Variants in ANKLE1 observed in about 807,000 individuals in gnomAD.
ANKLE1 encodes the protein ankyrin repeat and LEM domain containing 1.
A neutral mutation model predicts 56.2 loss-of-function variants in ANKLE1; 59 were observed. The ratio of observed to expected loss-of-function variants is 1.05; its 90% CI spans 0.85 to 1.30. ANKLE1 has a LOEUF of 1.30. Among genes scored for constraint, ANKLE1 ranks in the 50% most tolerant of loss-of-function variants. The pLI is 0.00. For missense variants in ANKLE1, 771 were observed against 816.1 expected (o/e 0.94, Z 0.67); for synonymous variants, 341 against 352.9 (o/e 0.97, Z 0.38).
chr19:17,286,517 C>T lies in ANKLE1; in HGVS notation c.1813C>T (p.Gln605Ter). The stretch of plus-strand genomic sequence containing the variant: ...TGTCTTCCTGGCTGAAGGCGAGCGA[C>T]AGCTTCATCCCCAGGACATCCAGGC... ...LLVFLAEGERQLHPQDIQARG is the reference protein window; with the variant it reads ...LLVFLAEGER The change falls in exon 9 of 9, where the codon CAG becomes TAG. Residue 605 changes from glutamine to a stop codon, truncating the protein, a stop_gained. Coordinates refer to ENST00000404085, the MANE Select transcript of ANKLE1 (RefSeq NM_152363.6). LOFTEE classifies it high-confidence loss of function. 1 of 1,611,080 alleles carries T rather than the reference C, an allele frequency of 6.2e-7. No individual in the cohort carries two copies. The highest frequency in any genetic ancestry group is 8.5e-7 in the Non-Finnish European group (1 of 1,179,056).
chr19:17,284,159 G>A lies in ANKLE1; in HGVS notation c.1269G>A (p.Gln423=), dbSNP rs1459456109. 1.9e-6 allele frequency: 3 copies of A among 1,613,916 alleles called. No individual in the cohort carries two copies. Among genetic ancestry groups the A allele is most frequent in the Middle Eastern group, 3.3e-4 (2 of 6,062 alleles). ...ALRTGCIPDV[Q]ADEDALAQQF... ...GGACGGGCTGTATTCCAGATGTCCA[G>A]GCAGATGAAGACGCGCTGGCCCAGC... Residue 423 remains glutamine, a synonymous_variant, in exon 6 of 9, where the codon CAG becomes CAA. Coordinates refer to ENST00000404085, the MANE Select transcript of ANKLE1 (RefSeq NM_152363.6).
In ANKLE1 at chr19:17,283,530, C is replaced by T. The variant is rs141686689; in HGVS notation, c.766C>T (p.His256Tyr). Residue 256 changes from histidine (H) to tyrosine (Y), a missense_variant, in exon 5 of 9, where the codon CAT becomes TAT. Coordinates refer to ENST00000404085, the MANE Select transcript of ANKLE1 (RefSeq NM_152363.6). ...PTRQGLLHVV[H>Y]ANQRVPRSQG... ...CAGGCAGGGACTTCTGCATGTTGTCCATGCCAACCAGAGGGTACCTAGGTC... is the reference window on the plus strand; with the variant it reads ...CAGGCAGGGACTTCTGCATGTTGTCTATGCCAACCAGAGGGTACCTAGGTC... 4.3e-6 allele frequency: 7 copies of T among 1,612,948 alleles called. No homozygotes were observed. In the South Asian group the frequency reaches 6.6e-5, roughly 15 times the overall value.
intron 6 of ANKLE1, among the ~76,000 whole-genome samples, chr19:17,284,962 T>A (rs1024876381): frequency 2.0e-5 from 3 of 151,910 alleles, no homozygotes; most frequent in Non-Finnish European, 4.4e-5. Flanking sequence ...GTGTTGGCAT[T>A]ACAGGCATGA....
rs1247679266 is a variant in ANKLE1, at chr19:17,284,267, G to A, written c.1376+1G>A. Reference sequence around the variant, plus strand: ...TCACCTATCTGCTGCTGGACCCCAGGTACTCAGGGCAGGAAAGCCCCAGAA... The same window carrying A: ...TCACCTATCTGCTGCTGGACCCCAGATACTCAGGGCAGGAAAGCCCCAGAA... On this transcript the variant is annotated splice_donor_variant, in intron 6 of 8. Transcript: ENST00000404085. LOFTEE classifies it high-confidence loss of function. 1.9e-5 allele frequency: 30 copies of A among 1,613,256 alleles called. No homozygotes were observed. Among genetic ancestry groups the A allele is most frequent in the Non-Finnish European group, 2.5e-5 (30 of 1,179,634 alleles).
Position 17,283,208 on chromosome 19 carries a change from C to G in ANKLE1, c.461-17C>G. 1 of 1,594,546 alleles carries G rather than the reference C, an allele frequency of 6.3e-7. No homozygotes were observed. The highest frequency in any genetic ancestry group is 8.6e-7 in the Non-Finnish European group (1 of 1,168,398). On this transcript the variant is annotated splice_polypyrimidine_tract_variant and intron_variant, in intron 4 of 8. Coordinates refer to ENST00000404085, the MANE Select transcript of ANKLE1 (RefSeq NM_152363.6). ...ATCCCTCCTCCTCTCCTCTCTGGCC[C>G]CCACTCTCACCTGCAGCCCCAGGCC...
At chr19:17,285,166 G>A (rs968495533) in intron 6 of ANKLE1, among the ~76,000 whole-genome samples, 1 of 151,950 alleles carries the variant, frequency 6.6e-6, no homozygotes, top group Non-Finnish European at 1.5e-5. Context: ...GGCTGAGGCA[G>A]GAGAATCACT....
chr19:17,285,345 G>T (rs1397894472), intron 6 of ANKLE1, 86 bp from the exon 7 acceptor site: 3 of 1,512,180 alleles, frequency 2.0e-6, no homozygotes. Flanking sequence ...ACTAGACATG[G>T]GTTCAAGATA....
rs770511788 is a variant in ANKLE1 at position 17,285,390 on chromosome 19, T to C, written c.1377-41T>C. 10 of 1,611,148 alleles carry C rather than the reference T, an allele frequency of 6.2e-6. No homozygotes were observed. In the Admixed American group the frequency reaches 1.5e-4, roughly 24 times the overall value. ...TTTAAGGACTGCCTCTGGGGACCAC[T>C]GTATCCACTTTTCCCTGTCTGAGCT... On this transcript the variant is annotated intron_variant, in intron 6 of 8. Transcript: ENST00000404085.
Position 17,286,365 on chromosome 19 carries a change from A to G in ANKLE1, c.1676-15A>G. The stretch of plus-strand genomic sequence containing the variant: ...CCCATGGCTGCCCCTGTGACCCCAC[A>G]TCCAATTTCTCCAGGGATCCAGACG... On this transcript the variant is annotated splice_polypyrimidine_tract_variant and intron_variant, in intron 8 of 8. Coordinates refer to ENST00000404085, the MANE Select transcript of ANKLE1 (RefSeq NM_152363.6). The G allele has an allele frequency of 6.5e-7, 1 of 1,540,648 alleles. No individual in the cohort carries two copies. Among genetic ancestry groups the G allele is most frequent in the Non-Finnish European group, 8.8e-7 (1 of 1,140,834 alleles).
chr19:17,283,671 G>C lies in ANKLE1; in HGVS notation c.907G>C (p.Ala303Pro), dbSNP rs750326706. Reference sequence around the variant, plus strand: ...CATGCCTCTCCTGGACAGGAGTCCAGCTCATAGCCCCCCACGGACACCAAC... The same window carrying C: ...CATGCCTCTCCTGGACAGGAGTCCACCTCATAGCCCCCCACGGACACCAAC... ...SSMPLLDRSP[A>P]HSPPRTPTPG... Residue 303 changes from alanine to proline, a missense_variant, in exon 5 of 9, where the codon GCT (alanine) becomes CCT (proline). Coordinates refer to ENST00000404085, the MANE Select transcript of ANKLE1 (RefSeq NM_152363.6). The C allele has an allele frequency of 1.2e-5, 19 of 1,613,514 alleles. No individual in the cohort carries two copies. The highest frequency in any genetic ancestry group is 1.6e-5 in the Non-Finnish European group (19 of 1,179,874).
chr19:17,284,228 C>G lies in ANKLE1; in HGVS notation c.1338C>G (p.Val446=), dbSNP rs377614527. The change falls in exon 6 of 9, where the codon GTC becomes GTG. Residue 446 remains valine (V), a synonymous_variant. Transcript: ENST00000404085. ...PDPARRWREG[V]VKSSFTYLLL... Reference sequence around the variant, plus strand: ...CTGCCAGGAGGTGGCGGGAGGGGGTCGTGAAGTCTAGCTTCACCTATCTGC... The same window carrying G: ...CTGCCAGGAGGTGGCGGGAGGGGGTGGTGAAGTCTAGCTTCACCTATCTGC... The G allele has an allele frequency of 4.3e-6, 7 of 1,613,748 alleles. No individual in the cohort carries two copies. The East Asian group carries it at 8.9e-5, about 21-fold the overall frequency.
At chr19:17,286,333 A>C in intron 8 of ANKLE1, 47 bp from the exon 9 acceptor site, 1 of 1,516,450 alleles carries the variant, frequency 6.6e-7, no homozygotes, top group Non-Finnish European at 8.8e-7. Flanking sequence ...CTGGATGGGG[A>C]GGTGTCCCCA....
chr19:17,285,352 G>C, intron 6 of ANKLE1, 79 bp from the exon 7 acceptor site: 1 of 1,558,320 alleles, frequency 6.4e-7, no homozygotes, highest in Non-Finnish European at 8.8e-7. Flanking sequence ...ATGGGTTCAA[G>C]ATATGTTGTG....
intron 6 of ANKLE1, 90 bp from the exon 7 acceptor site, chr19:17,285,341 C>T: frequency 6.7e-7 from 1 of 1,488,700 alleles, no homozygotes; most frequent in South Asian, 1.2e-5. Flanking sequence ...AGTCACTAGA[C>T]ATGGGTTCAA....
chr19:17,282,520 T>G (rs2073983877), intron 2 of ANKLE1, 136 bp from the exon 3 acceptor site: 1 of 990,916 alleles, frequency 1.0e-6, no homozygotes, highest in East Asian at 2.6e-5. Flanking sequence ...GCATCTAGGT[T>G]CCAAGGGCAG....
chr19:17,283,040 T>G, intron 4 of ANKLE1, 38 bp downstream of exon 4: 1 of 1,546,720 alleles, frequency 6.5e-7, no homozygotes, highest in South Asian at 1.2e-5. Flanking sequence ...GCTTGACTTC[T>G]GGACCAGTCC....
In ANKLE1 at chr19:17,283,544, G is replaced by T. The variant is rs746810204; in HGVS notation, c.780G>T (p.Arg260Ser). Residue 260 changes from arginine to serine, a missense_variant, in exon 5 of 9, where the codon AGG becomes AGT. Transcript: ENST00000404085. ...GLLHVVHANQ[R>S]VPRSQGTEAE... ...TGCATGTTGTCCATGCCAACCAGAG[G>T]GTACCTAGGTCTCAGGGCACGGAGG... The T allele has an allele frequency of 6.2e-7, 1 of 1,612,970 alleles. No individual in the cohort carries two copies. The highest frequency in any genetic ancestry group is 1.3e-5 in the African/African-American group (1 of 75,018).
chr19:17,286,605 T>C lies in ANKLE1; in HGVS notation c.*53T>C. 1 of 1,555,180 alleles carries C rather than the reference T, an allele frequency of 6.4e-7. No individual in the cohort carries two copies. The highest frequency in any genetic ancestry group is 8.7e-7 in the Non-Finnish European group (1 of 1,150,658). On this transcript the variant is annotated 3_prime_UTR_variant, in exon 9 of 9. Coordinates refer to ENST00000404085, the MANE Select transcript of ANKLE1 (RefSeq NM_152363.6). ...GGGAGAAATGTTTGAATGTTCCAGC[T>C]GCCCCATGCTGACAGCAGCCCCCAT...
In ANKLE1 at chr19:17,283,585, G is replaced by A. The variant is rs762002502; in HGVS notation, c.821G>A (p.Arg274His). 1.6e-4 allele frequency: 259 copies of A among 1,612,102 alleles called. 1 individual carries two copies. Among genetic ancestry groups the A allele is most frequent in the Non-Finnish European group, 1.9e-4 (227 of 1,179,208 alleles). Residue 274 changes from arginine (R) to histidine (H), a missense_variant, in exon 5 of 9, where the codon CGT (arginine) becomes CAT (histidine). Physicochemically the swap from Arg to His is conservative, Grantham distance 29. Transcript: ENST00000404085. ...SQGTEAELNA[R>H]LQALTLTPPN... ...GGCACGGAGGCAGAACTGAATGCCCGTCTGCAGGCCCTGACTCTGACCCCA... is the reference window on the plus strand; with the variant it reads ...GGCACGGAGGCAGAACTGAATGCCCATCTGCAGGCCCTGACTCTGACCCCA...
Sources: gnomAD v4.1 joint callset for allele counts (sites outside exome capture counted in the v4.1 genomes callset) on GRCh38, gnomAD v4.1.1 for gene constraint, MANE v1.5 for transcripts, NCBI Gene and HGNC (gene_info 2026-07-23, HGNC 2026-07-21) for gene names.